MAL2: variants seen among roughly 807,000 people sequenced by gnomAD.
The protein encoded by MAL2 is mal, T cell differentiation protein 2, also known as protein MAL2.
A neutral mutation model predicts 18.1 loss-of-function variants in MAL2; 17 were observed. The observed-to-expected ratio is 0.94, with a 90% CI of 0.64 to 1.41. The LOEUF (loss-of-function observed/expected upper bound fraction) is 1.41, where lower values mean the gene tolerates loss of function less well. Among genes scored for constraint, MAL2 ranks in the 40% most tolerant of loss-of-function variants. The pLI is 0.00. For synonymous variants in MAL2, 102 were observed against 102.3 expected (o/e 1.00, Z 0.02); for missense variants, 222 against 231.9 (o/e 0.96, Z 0.28).
intron 2 of MAL2, among the ~76,000 whole-genome samples, chr8:119,237,861 C>T (rs922869831): frequency 5.3e-5 from 8 of 152,256 alleles, no homozygotes; most frequent in Admixed American, 4.6e-4. Flanking sequence ...TGGAAGCATT[C>T]CCTTTGAAAA....
At chr8:119,238,348 T>C (rs79752803) in intron 2 of MAL2, among the ~76,000 whole-genome samples, 1 of 152,198 alleles carries the variant, frequency 6.6e-6, no homozygotes, top group African/African-American at 2.4e-5. Flanking sequence ...ATGGCCATAC[T>C]GCCCAAGGTA....
intron 3 of MAL2, among the ~76,000 whole-genome samples, chr8:119,240,887 T>C (rs1818034197): frequency 6.6e-6 from 1 of 152,188 alleles, no homozygotes; most frequent in African/African-American, 2.4e-5. Flanking sequence ...TTATTAAATT[T>C]TTTAAATCAT....
chr8:119,231,439 T>TAATA (rs1294938927), intron 2 of MAL2, among the ~76,000 whole-genome samples: 1 of 152,174 alleles, frequency 6.6e-6, no homozygotes, highest in East Asian at 1.9e-4. Context: ...TAGAAATCAA[T>TAATA]AATAGGTTTG....
At chr8:119,242,359 C>T (rs1818064247) in intron 3 of MAL2, among the ~76,000 whole-genome samples, 2 of 152,128 alleles carry the variant, frequency 1.3e-5, no homozygotes, top group South Asian at 4.1e-4. Flanking sequence ...TCTCAGTAAA[C>T]CTCTACATGC....
intron 2 of MAL2, among the ~76,000 whole-genome samples, chr8:119,230,050 C>G (rs1372095818): frequency 1.3e-5 from 2 of 152,132 alleles, no homozygotes; most frequent in African/African-American, 4.8e-5. Flanking sequence ...GAACCCAACC[C>G]AAAATAAGCA....
intron 1 of MAL2, among the ~76,000 whole-genome samples, chr8:119,212,089 A>G (rs953613884): frequency 2.0e-5 from 3 of 152,218 alleles, no homozygotes; most frequent in African/African-American, 7.2e-5. Context: ...AAGTATGGGA[A>G]GTGAACTGCA....
intron 1 of MAL2, among the ~76,000 whole-genome samples, chr8:119,210,115 T>G (rs1489310959): frequency 6.6e-6 from 1 of 152,232 alleles, no homozygotes; most frequent in Non-Finnish European, 1.5e-5. Flanking sequence ...TTGAAATACT[T>G]TCTAAACTTC....
At chr8:119,236,284 A>T (rs2129897045) in intron 2 of MAL2, among the ~76,000 whole-genome samples, 2 of 140,884 alleles carry the variant, frequency 1.4e-5, no homozygotes, top group South Asian at 4.7e-4. Flanking sequence ...GAGCACCCAG[A>T]TTCATAAAGC....
intron 2 of MAL2, among the ~76,000 whole-genome samples, chr8:119,228,388 G>A (rs1015974044): frequency 1.3e-5 from 2 of 152,138 alleles, no homozygotes; most frequent in African/African-American, 2.4e-5. Flanking sequence ...TATTAGAAGC[G>A]ATGACAAGTG....
intron 1 of MAL2, among the ~76,000 whole-genome samples, chr8:119,211,550 G>T (rs1441428324): frequency 6.6e-6 from 1 of 152,018 alleles, no homozygotes; most frequent in South Asian, 2.1e-4. Context: ...TCCCCTTAAC[G>T]TATTCTATTC....
chr8:119,234,509 CACAG>C (rs1290838941), intron 2 of MAL2, among the ~76,000 whole-genome samples: 6 of 152,186 alleles, frequency 3.9e-5, no homozygotes, highest in African/African-American at 9.7e-5. Context: ...GGGGGCAGGG[CACAG>C]ACAAACAAAA....
chr8:119,226,973 C>T (rs1182708724), intron 2 of MAL2, among the ~76,000 whole-genome samples: 2 of 152,100 alleles, frequency 1.3e-5, no homozygotes. Context: ...ACACCTGGCA[C>T]AAATTGGAAT....
chr8:119,240,673 A>G (rs1389026875), intron 3 of MAL2, among the ~76,000 whole-genome samples: 2 of 152,176 alleles, frequency 1.3e-5, no homozygotes, highest in Non-Finnish European at 2.9e-5. Flanking sequence ...GTTCTTTAGT[A>G]TTCAATAGCT....
chr8:119,231,027 TTTTTTTA>T (rs1238144140), intron 2 of MAL2, among the ~76,000 whole-genome samples: 5 of 152,114 alleles, frequency 3.3e-5, no homozygotes, highest in Non-Finnish European at 5.9e-5. Context: ...GAACAGTTTT[TTTTTTTA>T]TTTTTTGTTT....
At chr8:119,242,027 C>T (rs1212400882) in intron 3 of MAL2, among the ~76,000 whole-genome samples, 1 of 152,142 alleles carries the variant, frequency 6.6e-6, no homozygotes, top group Non-Finnish European at 1.5e-5. Context: ...AGTTCAGGGA[C>T]TTTCCTATGC....
intron 2 of MAL2, among the ~76,000 whole-genome samples, chr8:119,227,880 C>T (rs1817628038): frequency 6.6e-6 from 1 of 152,170 alleles, no homozygotes; most frequent in African/African-American, 2.4e-5. Context: ...TTACATTCCT[C>T]TTCTCAGCTT....
At chr8:119,236,478 C>A (rs1817897257) in intron 2 of MAL2, among the ~76,000 whole-genome samples, 1 of 151,016 alleles carries the variant, frequency 6.6e-6, no homozygotes. Context: ...CACCCCAAAT[C>A]AACAGAATAT....
chr8:119,231,020 C>CAATTTTTTTTTTTTTTT (rs1167711778), intron 2 of MAL2, among the ~76,000 whole-genome samples: 1 of 151,118 alleles, frequency 6.6e-6, no homozygotes, highest in Non-Finnish European at 1.5e-5. Context: ...GATGTGAGAA[C>CAATTTTTTTTTTTTTTT]AGTTTTTTTT....
At chr8:119,216,138 G>T (rs1817350101) in intron 1 of MAL2, among the ~76,000 whole-genome samples, 1 of 152,008 alleles carries the variant, frequency 6.6e-6, no homozygotes, top group South Asian at 2.1e-4. Context: ...GAACTTCTGG[G>T]TGGGGGGGCC....
Sources: allele counts gnomAD v4.1 joint callset (sites outside exome capture counted in the v4.1 genomes callset), GRCh38; gene constraint gnomAD v4.1.1; transcripts MANE v1.5; gene names NCBI Gene and HGNC (gene_info 2026-07-23, HGNC 2026-07-21).